Variants in ANTXR1 observed in about 807,000 individuals in gnomAD.
The protein encoded by ANTXR1 is ANTXR cell adhesion molecule 1.
In ANTXR1, 19 loss-of-function variants were observed where a neutral mutation model predicts 78.1. The observed-to-expected ratio is 0.24, with a 90% confidence interval of 0.17 to 0.36. The LOEUF is 0.36. Among genes scored for constraint, ANTXR1 ranks in the 10% least tolerant of loss-of-function variants. The pLI is 1.00. For missense variants in ANTXR1, 518 were observed against 718.6 expected, an observed-to-expected ratio of 0.72 and a Z score of 3.19; for synonymous variants, 273 against 260.5, an observed-to-expected ratio of 1.05 and a Z score of -0.46.
intron 8 of ANTXR1, among the ~76,000 whole-genome samples, chr2:69,087,639 C>T (rs1330510008): frequency 6.6e-6 from 1 of 152,180 alleles, no homozygotes; most frequent in Non-Finnish European, 1.5e-5. Flanking sequence ...CAATCATACC[C>T]TCACCTTAAA....
intron 10 of ANTXR1, among the ~76,000 whole-genome samples, chr2:69,115,852 T>C (rs1325323507): frequency 1.3e-5 from 2 of 152,186 alleles, no homozygotes; most frequent in Non-Finnish European, 2.9e-5. Flanking sequence ...GTATGGGCCA[T>C]GTCTAAGGAA....
At chr2:69,206,931 T>C (rs1674919383) in intron 17 of ANTXR1, among the ~76,000 whole-genome samples, 1 of 152,160 alleles carries the variant, frequency 6.6e-6, no homozygotes, top group South Asian at 2.1e-4. Flanking sequence ...CAGAAACCCA[T>C]ACATCTGTGT....
At chr2:69,064,387 G>A (rs1670333145) in intron 3 of ANTXR1, among the ~76,000 whole-genome samples, 1 of 152,126 alleles carries the variant, frequency 6.6e-6, no homozygotes, top group Non-Finnish European at 1.5e-5. Context: ...TTCCCTCACA[G>A]TGGCTGCAAC....
intron 12 of ANTXR1, among the ~76,000 whole-genome samples, chr2:69,127,770 G>A (rs1420113787): frequency 6.6e-6 from 1 of 152,020 alleles, no homozygotes; most frequent in Non-Finnish European, 1.5e-5. Flanking sequence ...AGAGAGAGAA[G>A]AATCAAGAAT....
At chr2:69,094,746 TA>T (rs1382099523) in intron 9 of ANTXR1, among the ~76,000 whole-genome samples, 3 of 152,230 alleles carry the variant, frequency 2.0e-5, no homozygotes, top group Non-Finnish European at 4.4e-5. Context: ...GGCAGCGAGA[TA>T]ATGACAACAA....
At chr2:69,118,375 G>A (rs774136003) in intron 10 of ANTXR1, among the ~76,000 whole-genome samples, 5 of 152,156 alleles carry the variant, frequency 3.3e-5, no homozygotes, top group Non-Finnish European at 7.4e-5. Flanking sequence ...AGGCTGCAGT[G>A]AGCCGTGATT....
chr2:69,212,045 C>T (rs1675055348), intron 17 of ANTXR1, among the ~76,000 whole-genome samples: 1 of 152,230 alleles, frequency 6.6e-6, no homozygotes, highest in Admixed American at 6.5e-5. Flanking sequence ...CCTTGTGCCT[C>T]AGACCATCTT....
intron 3 of ANTXR1, among the ~76,000 whole-genome samples, chr2:69,046,367 TG>T (rs1290400004): frequency 6.6e-6 from 1 of 152,110 alleles, no homozygotes; most frequent in Non-Finnish European, 1.5e-5. Flanking sequence ...CCAGACCCAT[TG>T]TGGTTTGTTA....
At position 69,013,701 on chromosome 2, in the gene ANTXR1, G is replaced by A; in HGVS notation, c.152+50G>A. The stretch of plus-strand genomic sequence containing the variant: ...CACCCCAGGCTAAGCGGGCGAAAAC[G>A]CTTTCGCCCCGGGCCGGGCTCGTTG... On this transcript the variant is annotated intron_variant, in intron 1 of 17. Coordinates refer to ENST00000303714, the MANE Select transcript of ANTXR1 (RefSeq NM_032208.3). The surrounding 1 kb of genome is among the most constrained non-coding windows in gnomAD (Gnocchi z 5.0). 1 of 1,551,146 alleles carries A rather than the reference G, an allele frequency of 6.4e-7. No homozygotes were observed. Among genetic ancestry groups the A allele is most frequent in the East Asian group, 2.4e-5 (1 of 40,904 alleles).
intron 16 of ANTXR1, among the ~76,000 whole-genome samples, chr2:69,184,022 A>AT (rs1674357240): frequency 6.6e-6 from 1 of 151,256 alleles, no homozygotes; most frequent in African/African-American, 2.4e-5. Context: ...CAAAGACTCA[A>AT]TAGAGCCAGC....
chr2:69,023,692 C>CA (rs948553207), intron 1 of ANTXR1, among the ~76,000 whole-genome samples: 6 of 152,078 alleles, frequency 3.9e-5, no homozygotes, highest in African/African-American at 1.4e-4. Flanking sequence ...GTTCTGGAAT[C>CA]AAAAAATGCC....
chr2:69,042,707 C>T (rs1449036905), intron 2 of ANTXR1, among the ~76,000 whole-genome samples: 2 of 152,168 alleles, frequency 1.3e-5, no homozygotes. Flanking sequence ...ACTTCTCATT[C>T]ATTCCTTAAC....
intron 12 of ANTXR1, among the ~76,000 whole-genome samples, chr2:69,146,570 A>AGTCT (rs1201187762): frequency 6.6e-6 from 1 of 152,232 alleles, no homozygotes; most frequent in African/African-American, 2.4e-5. Flanking sequence ...AAACACTGAG[A>AGTCT]GTCTGCTGGG....
chr2:69,023,533 A>G (rs1210564880), intron 1 of ANTXR1, among the ~76,000 whole-genome samples: 1 of 151,850 alleles, frequency 6.6e-6, no homozygotes, highest in Admixed American at 6.6e-5. Flanking sequence ...GATGATGATG[A>G]TGATGATGGC....
chr2:69,025,843 T>C (rs1671325613), intron 1 of ANTXR1, among the ~76,000 whole-genome samples: 1 of 152,252 alleles, frequency 6.6e-6, no homozygotes, highest in Non-Finnish European at 1.5e-5. Context: ...TGTCTTCTTC[T>C]TTTACTCTCA....
chr2:69,187,259 C>A (rs1365795252), intron 16 of ANTXR1, among the ~76,000 whole-genome samples: 1 of 152,144 alleles, frequency 6.6e-6, no homozygotes, highest in East Asian at 1.9e-4. Context: ...ATTCCAGACT[C>A]ATGATCGGGA....
At chr2:69,089,721 G>T (rs1043650576) in intron 8 of ANTXR1, among the ~76,000 whole-genome samples, 5 of 152,134 alleles carry the variant, frequency 3.3e-5, no homozygotes, top group Admixed American at 2.6e-4. Context: ...TTCTTTCACA[G>T]ACTTTAAATT....
At chr2:69,213,180 G>A (rs1675089196) in intron 17 of ANTXR1, among the ~76,000 whole-genome samples, 1 of 152,052 alleles carries the variant, frequency 6.6e-6, no homozygotes, top group Non-Finnish European at 1.5e-5. Context: ...ACTGTCAAGA[G>A]ACCTACCACT....
Position 69,159,000 on chromosome 2 carries a change from T to G in ANTXR1, c.1047+6736T>G, listed in dbSNP as rs572031291. 7.2e-5 allele frequency among the ~76,000 whole-genome samples: 11 copies of G among 152,276 alleles called. No individual in the cohort carries two copies. In the South Asian group the frequency reaches 2.1e-3, roughly 29 times the overall value. On this transcript the variant is annotated intron_variant, in intron 13 of 17. Coordinates refer to ENST00000303714, the MANE Select transcript of ANTXR1 (RefSeq NM_032208.3). Reference sequence around the variant, plus strand: ...AATTTGTGTATTTTCCAAATCAAACTAAAAACCTAAGTCTTCCTAGGGGAA... The same window carrying G: ...AATTTGTGTATTTTCCAAATCAAACGAAAAACCTAAGTCTTCCTAGGGGAA...
Sources: allele counts gnomAD v4.1 joint callset (sites outside exome capture counted in the v4.1 genomes callset), GRCh38; gene constraint gnomAD v4.1.1; non-coding constraint Gnocchi (gnomAD v3.1); transcripts MANE v1.5; gene names NCBI Gene and HGNC (gene_info 2026-07-23, HGNC 2026-07-21).